Variants in MYT1L observed in about 807,000 individuals in gnomAD.
MYT1L encodes the protein myelin transcription factor 1 like.
MYT1L carries 12 observed loss-of-function variants against 126.7 expected under a neutral mutation model. That is an observed-to-expected ratio of 0.09 (90% CI 0.06 to 0.15). The LOEUF is 0.15. MYT1L is among the 10% of genes least tolerant of loss of function. The probability of loss-of-function intolerance (pLI) is 1.00; values close to 1 mark genes in which losing one functional copy is unlikely to be tolerated. For missense variants in MYT1L, 979 were observed against 1,585.2 expected (o/e 0.62, Z 6.49); for synonymous variants, 541 against 604.2 (o/e 0.90, Z 1.53).
intron 3 of MYT1L, among the ~76,000 whole-genome samples, chr2:2,078,875 T>C (rs1405540506): frequency 6.6e-6 from 1 of 152,248 alleles, no homozygotes; most frequent in Admixed American, 6.5e-5. Context: ...ACGTTTGTGT[T>C]TCCCCAAATT....
At chr2:2,293,907 C>T (rs1018540321) in intron 1 of MYT1L, among the ~76,000 whole-genome samples, 1 of 152,162 alleles carries the variant, frequency 6.6e-6, no homozygotes, top group Non-Finnish European at 1.5e-5. Flanking sequence ...GTGCTTGGCG[C>T]GCCTCTGAGG....
rs762443487 is a variant in MYT1L at position 1,930,262 on chromosome 2, C to T, written c.506-6999G>A. Among the ~76,000 whole-genome samples the T allele has an allele frequency of 5.9e-5, 9 of 152,234 alleles. 1 individual carries two copies. The highest frequency in any genetic ancestry group is 1.9e-4 in the African/African-American group (8 of 41,462). On this transcript the variant is annotated intron_variant, in intron 9 of 24. Coordinates refer to ENST00000647738, the MANE Select transcript of MYT1L (RefSeq NM_001303052.2). ...CTTGATTGGAAAGCCCACTTCTGGG[C>T]GCCCCGATTCTTTCACTGAACTGCT...
At chr2:2,280,121 G>T (rs2095427149) in intron 2 of MYT1L, among the ~76,000 whole-genome samples, 1 of 152,190 alleles carries the variant, frequency 6.6e-6, no homozygotes, top group Admixed American at 6.5e-5. Context: ...GTATGAGCAA[G>T]AAAATTCATT....
chr2:2,129,850 G>A (rs908772239), intron 3 of MYT1L, among the ~76,000 whole-genome samples: 3 of 150,796 alleles, frequency 2.0e-5, no homozygotes, highest in East Asian at 3.9e-4. Context: ...AGCTTGCAGT[G>A]AGCCGAGATT....
chr2:2,233,499 T>A (rs2094209430), intron 2 of MYT1L, among the ~76,000 whole-genome samples: 1 of 152,094 alleles, frequency 6.6e-6, no homozygotes, highest in Admixed American at 6.5e-5. Flanking sequence ...GGTCTACACA[T>A]CTCACAGACC....
At chr2:2,211,822 C>CAAA (rs1423952993) in intron 2 of MYT1L, among the ~76,000 whole-genome samples, 17,790 of 133,638 alleles carry the variant, frequency 0.13, 1,155 homozygotes, top group Non-Finnish European at 0.16. Flanking sequence ...AAAAAAAAAA[C>CAAA]CAAACAAAAA....
chr2:1,823,756 C>T (rs1004081566), intron 21 of MYT1L, among the ~76,000 whole-genome samples: 18 of 152,230 alleles, frequency 1.2e-4, no homozygotes, highest in African/African-American at 3.9e-4. Flanking sequence ...GGCTGGGTCC[C>T]TGTAGGAAGA....
At chr2:1,981,502 G>A (rs913940405) in intron 5 of MYT1L, among the ~76,000 whole-genome samples, 1 of 152,188 alleles carries the variant, frequency 6.6e-6, no homozygotes, top group Non-Finnish European at 1.5e-5. Flanking sequence ...GTGAATGAAT[G>A]AATGAATGAG....
intron 10 of MYT1L, among the ~76,000 whole-genome samples, chr2:1,921,371 G>A (rs190091719): frequency 5.8e-4 from 88 of 152,202 alleles, no homozygotes; most frequent in East Asian, 4.6e-3. Flanking sequence ...AGTGGACACC[G>A]TCTTCTTTAC....
chr2:1,968,562 G>A (rs1364286221), intron 8 of MYT1L, among the ~76,000 whole-genome samples: 4 of 152,166 alleles, frequency 2.6e-5, no homozygotes. Flanking sequence ...TTTAAAATCT[G>A]TTGTATTATG....
intron 2 of MYT1L, among the ~76,000 whole-genome samples, chr2:2,181,688 C>T (rs2091552146): frequency 1.3e-5 from 2 of 152,166 alleles, no homozygotes; most frequent in Admixed American, 1.3e-4. Flanking sequence ...ACTGGGGGTG[C>T]TCCCCTGCTC....
intron 22 of MYT1L, among the ~76,000 whole-genome samples, chr2:1,803,182 C>T (rs2035152453): frequency 6.6e-6 from 1 of 152,140 alleles, no homozygotes; most frequent in African/African-American, 2.4e-5. Flanking sequence ...GATAAAAATA[C>T]CCAATGCAAA....
intron 22 of MYT1L, among the ~76,000 whole-genome samples, chr2:1,804,691 C>A (rs4077008): frequency 0.032 from 4,923 of 152,306 alleles, 105 homozygotes; most frequent in East Asian, 0.072. Flanking sequence ...CAGCGCTGGT[C>A]ACTCTCACTA....
At chr2:2,178,541 G>A (rs2091074399) in intron 2 of MYT1L, among the ~76,000 whole-genome samples, 1 of 152,296 alleles carries the variant, frequency 6.6e-6, no homozygotes, top group Admixed American at 6.5e-5. Flanking sequence ...TGGTACCCTC[G>A]CCCTCCTTCC....
At chr2:2,018,834 C>T (rs1350758450) in intron 4 of MYT1L, among the ~76,000 whole-genome samples, 3 of 152,236 alleles carry the variant, frequency 2.0e-5, no homozygotes, top group South Asian at 2.1e-4. Flanking sequence ...ACACCACCTA[C>T]ATTTCGTTTT....
chr2:2,134,153 G>T (rs1183104128), intron 3 of MYT1L, among the ~76,000 whole-genome samples: 1 of 152,126 alleles, frequency 6.6e-6, no homozygotes, highest in African/African-American at 2.4e-5. Flanking sequence ...CCAGTACATT[G>T]TGTGTCCATG....
At chr2:2,255,360 A>G (rs2094778957) in intron 2 of MYT1L, among the ~76,000 whole-genome samples, 1 of 152,112 alleles carries the variant, frequency 6.6e-6, no homozygotes, top group Non-Finnish European at 1.5e-5. Context: ...GTTTTTAAGC[A>G]CAAGCCTCAT....
rs994458866 is a variant in MYT1L, at chr2:2,158,561, G to A, written c.-304+14311C>T. On this transcript the variant is annotated intron_variant, in intron 3 of 24. Coordinates refer to ENST00000647738, the MANE Select transcript of MYT1L (RefSeq NM_001303052.2). ...CCTGAATCAAAATGCAATTCATATCGGCACATGGCTCTTTATTCAGTCACA... is the reference window on the plus strand; with the variant it reads ...CCTGAATCAAAATGCAATTCATATCAGCACATGGCTCTTTATTCAGTCACA... Among the ~76,000 whole-genome samples, 6 of 151,650 alleles carry A rather than the reference G, an allele frequency of 4.0e-5. No homozygotes were observed. In the South Asian group the frequency reaches 8.3e-4, roughly 21 times the overall value.
intron 2 of MYT1L, among the ~76,000 whole-genome samples, chr2:2,213,948 A>ATTGTAT (rs1487942613): frequency 6.6e-6 from 1 of 152,210 alleles, no homozygotes; most frequent in Non-Finnish European, 1.5e-5. Flanking sequence ...AATTATTATA[A>ATTGTAT]TTGTATTTTA....
Sources: gnomAD v4.1 joint callset for allele counts (sites outside exome capture counted in the v4.1 genomes callset) on GRCh38, gnomAD v4.1.1 for gene constraint, MANE v1.5 for transcripts, NCBI Gene and HGNC (gene_info 2026-07-23, HGNC 2026-07-21) for gene names.